The following GPR107 variants were observed in gnomAD, a reference collection of about 807,000 sequenced individuals.
GPR107 encodes G protein-coupled receptor 107.
GPR107 carries 31 observed loss-of-function variants against 75.5 expected under a neutral mutation model. The observed-to-expected ratio is 0.41, with a 90% CI of 0.31 to 0.55. The LOEUF (loss-of-function observed/expected upper bound fraction) is 0.55, where lower values mean the gene tolerates loss of function less well. GPR107 is among the 20% of genes least tolerant of loss of function. GPR107 has a pLI of 0.26. For missense variants in GPR107, 572 were observed against 665.7 expected (o/e 0.86, Z 1.55); for synonymous variants, 267 against 251.3 (o/e 1.06, Z -0.59).
Position 130,103,701 on chromosome 9 carries a change from G to A in GPR107, c.1132-719G>A, listed in dbSNP as rs1831092327. ...CTGAGCACCATGGCCTGAAAAGTAT[G>A]GGCATTGTGGCTAAATAGGGTGTTA... On this transcript the variant is annotated intron_variant, in intron 12 of 17. Coordinates refer to ENST00000347136, the MANE Select transcript of GPR107 (RefSeq NM_020960.5). The surrounding 1 kb of genome is among the most constrained non-coding windows in gnomAD (Gnocchi z 4.3). Among the ~76,000 whole-genome samples, 2 of 152,140 alleles carry A rather than the reference G, an allele frequency of 1.3e-5. No homozygotes were observed. The highest frequency in any genetic ancestry group is 1.3e-4 in the Admixed American group (2 of 15,266).
chr9:130,062,660 GCCTT>G (rs1199165645), intron 1 of GPR107, among the ~76,000 whole-genome samples: 1,695 of 68,982 alleles, frequency 0.025, 21 homozygotes, highest in Middle Eastern at 0.11. Flanking sequence ...CTGCCTGCCT[GCCTT>G]CCTTCCTTCC....
chr9:130,130,854 G>T (rs533228030), intron 17 of GPR107, among the ~76,000 whole-genome samples: 1 of 140,978 alleles, frequency 7.1e-6, no homozygotes, highest in Non-Finnish European at 1.5e-5. Flanking sequence ...TGGGCGATGA[G>T]AGTGAAACTC....
intron 14 of GPR107, among the ~76,000 whole-genome samples, chr9:130,118,980 G>C (rs2132638925): frequency 6.6e-6 from 1 of 152,332 alleles, no homozygotes; most frequent in East Asian, 1.9e-4. Context: ...CGTATTTGCT[G>C]CTCCTCATGG....
intron 1 of GPR107, among the ~76,000 whole-genome samples, chr9:130,072,728 GA>G (rs1830241733): frequency 6.6e-6 from 1 of 151,542 alleles, no homozygotes; most frequent in Non-Finnish European, 1.5e-5. Context: ...GTTGGGGGGG[GA>G]ACTGCTATCA....
At chr9:130,128,101 T>C (rs1211397714) in intron 16 of GPR107, among the ~76,000 whole-genome samples, 2 of 152,242 alleles carry the variant, frequency 1.3e-5, no homozygotes, top group Non-Finnish European at 2.9e-5. Context: ...TTCTTGATTT[T>C]AGTTTTCAGT....
At chr9:130,071,077 G>A (rs1211307439) in intron 1 of GPR107, among the ~76,000 whole-genome samples, 3 of 133,192 alleles carry the variant, frequency 2.3e-5, no homozygotes, top group East Asian at 2.1e-4. Context: ...ACTCTGTGGC[G>A]CAGGCTGGAG....
chr9:130,114,808 G>C (rs138689638), intron 14 of GPR107: 238 of 370,574 alleles, frequency 6.4e-4, no homozygotes, highest in African/African-American at 4.9e-3. Context: ...TGCTGTGTTA[G>C]AGATGAGGCT....
chr9:130,076,671 C>T lies in GPR107; in HGVS notation c.306+209C>T, dbSNP rs143387725. On this transcript the variant is annotated intron_variant, in intron 3 of 17. Transcript: ENST00000347136. The stretch of plus-strand genomic sequence containing the variant: ...CTGGGACTACCAGCGTGTGCCACCA[C>T]GCCTGCCTAATTTTTGTATTTTTAG... Among the ~76,000 whole-genome samples the T allele has an allele frequency of 1.3e-4, 20 of 152,196 alleles. No individual in the cohort carries two copies. In the East Asian group the frequency reaches 3.9e-3, roughly 30 times the overall value.
In GPR107 at chr9:130,137,897, G is replaced by A. The variant is rs1369128895; in HGVS notation, c.*2776G>A. 6.6e-6 allele frequency: 1 copy of A among 152,254 alleles called. No individual in the cohort carries two copies. The highest frequency in any genetic ancestry group is 1.5e-5 in the Non-Finnish European group (1 of 68,046). The allele number at this position is 152,254 out of a possible 1,614,324, so 9.4% of individuals were successfully genotyped here. On this transcript the variant is annotated 3_prime_UTR_variant, in exon 18 of 18. Transcript: ENST00000347136. ...TTGGTGGTATTTATAGCTTTGCTTTGTACTCCTCACTGTTTCTGCCTACGC... is the reference window on the plus strand; with the variant it reads ...TTGGTGGTATTTATAGCTTTGCTTTATACTCCTCACTGTTTCTGCCTACGC...
intron 17 of GPR107, among the ~76,000 whole-genome samples, chr9:130,132,224 A>G (rs577434503): frequency 4.8e-4 from 73 of 152,260 alleles, no homozygotes; most frequent in African/African-American, 1.4e-3. Context: ...CCCGGGCTCT[A>G]GAATCACCTG....
At chr9:130,060,939 G>A (rs1463076706) in intron 1 of GPR107, among the ~76,000 whole-genome samples, 2 of 152,186 alleles carry the variant, frequency 1.3e-5, no homozygotes, top group Non-Finnish European at 2.9e-5. Context: ...TAGACTAGAA[G>A]ATGTTGGATG....
chr9:130,107,072 G>A (rs1399834876), intron 13 of GPR107, among the ~76,000 whole-genome samples: 1 of 152,176 alleles, frequency 6.6e-6, no homozygotes, highest in East Asian at 1.9e-4. Flanking sequence ...GGTGCTGTAT[G>A]TTCACAGCTC....
chr9:130,097,525 G>A (rs1830905652), intron 9 of GPR107, among the ~76,000 whole-genome samples: 1 of 152,072 alleles, frequency 6.6e-6, no homozygotes. Context: ...TACCAGTGGT[G>A]CATACATAAT....
intron 17 of GPR107, among the ~76,000 whole-genome samples, chr9:130,133,945 G>A (rs1383219237): frequency 6.6e-6 from 1 of 152,184 alleles, no homozygotes; most frequent in African/African-American, 2.4e-5. Flanking sequence ...CCAGCTGCAT[G>A]CACTCTAGAT....
At chr9:130,074,996 A>G (rs10739772) in intron 1 of GPR107, among the ~76,000 whole-genome samples, 106,229 of 150,592 alleles carry the variant, frequency 0.71, 37,772 homozygotes, top group East Asian at 0.94. Flanking sequence ...CCTGCCCTGG[A>G]ATTCACATTT....
chr9:130,058,467 T>C (rs547931790), intron 1 of GPR107, among the ~76,000 whole-genome samples: 1 of 152,184 alleles, frequency 6.6e-6, no homozygotes, highest in South Asian at 2.1e-4. Flanking sequence ...GTAGGCTTTT[T>C]TTCTTTTTTT....
intron 1 of GPR107, among the ~76,000 whole-genome samples, chr9:130,055,330 G>T (rs1829738503): frequency 6.6e-6 from 1 of 151,750 alleles, no homozygotes. Context: ...TTAGCCAGGC[G>T]TGGTGGCAGG....
chr9:130,121,222 C>CAAAA (rs1554897646), intron 14 of GPR107, among the ~76,000 whole-genome samples: 1 of 151,720 alleles, frequency 6.6e-6, no homozygotes, highest in African/African-American at 2.4e-5. Flanking sequence ...CAAAACAAAA[C>CAAAA]CCTTCAGAAT....
chr9:130,135,084 C>T lies in GPR107; in HGVS notation c.1622C>T (p.Ser541Phe), dbSNP rs782813720. The change falls in exon 18 of 18, where the codon TCC (serine) becomes TTC (phenylalanine). Residue 541 changes from serine (S) to phenylalanine (F), a missense_variant. By Grantham distance (155) the Ser-to-Phe change is radical. Coordinates refer to ENST00000347136, the MANE Select transcript of GPR107 (RefSeq NM_020960.5). Reference protein sequence around the residue: ...MKKVKKVTNGSVEPQGEWEGA... With the variant: ...MKKVKKVTNGFVEPQGEWEGA... Reference sequence around the variant, plus strand: ...AAAGTCAAGAAGGTGACCAACGGCTCCGTGGAGCCCCAGGGCGAGTGGGAA... The same window carrying T: ...AAAGTCAAGAAGGTGACCAACGGCTTCGTGGAGCCCCAGGGCGAGTGGGAA... 5 of 1,611,128 alleles carry T rather than the reference C, an allele frequency of 3.1e-6. No individual in the cohort carries two copies. Among genetic ancestry groups the T allele is most frequent in the East Asian group, 2.2e-5 (1 of 44,868 alleles).
Sources: gnomAD v4.1 joint callset for allele counts (sites outside exome capture counted in the v4.1 genomes callset) on GRCh38, gnomAD v4.1.1 for gene constraint, Gnocchi (gnomAD v3.1) non-coding constraint, MANE v1.5 for transcripts, NCBI Gene and HGNC (gene_info 2026-07-23, HGNC 2026-07-21) for gene names.